The following RIN2 variants were observed in gnomAD, a reference collection of about 807,000 sequenced individuals.
RIN2 encodes the protein Ras and Rab interactor 2, also known as RAB5 interacting protein 2.
In RIN2, 36 loss-of-function variants were observed where a neutral mutation model predicts 78.0. That is an observed-to-expected ratio of 0.46 (90% confidence interval 0.35 to 0.61). RIN2 has a LOEUF of 0.61. Among genes scored for constraint, RIN2 ranks in the 20% least tolerant of loss-of-function variants. The pLI, the probability that RIN2 is intolerant of heterozygous loss-of-function variation, is 0.00. For missense variants in RIN2, 1,087 were observed against 1,159.7 expected, an observed-to-expected ratio of 0.94 and a Z score of 0.91; for synonymous variants, 466 against 466.8, an observed-to-expected ratio of 1.00 and a Z score of 0.02.
intron 2 of RIN2, among the ~76,000 whole-genome samples, chr20:19,860,551 G>A (rs573652852): frequency 6.6e-6 from 1 of 152,178 alleles, no homozygotes; most frequent in African/African-American, 2.4e-5. Context: ...TCGAACTCCT[G>A]ACCTCAGGCA....
intron 1 of RIN2, among the ~76,000 whole-genome samples, chr20:19,797,380 G>T (rs2035090611): frequency 6.6e-6 from 1 of 152,112 alleles, no homozygotes; most frequent in Non-Finnish European, 1.5e-5. Flanking sequence ...TTACATTCTT[G>T]TTCTTATATA....
At position 19,872,579 on chromosome 20, in the gene RIN2, C is replaced by G. The variant is rs188723467; in HGVS notation, c.-36-16987C>G. On this transcript the variant is annotated intron_variant, in intron 2 of 12. Transcript: ENST00000255006. The stretch of plus-strand genomic sequence containing the variant: ...CCCAGGAGCAATTCTCCAACAGTGA[C>G]CTACACAACCCAGCTTCCTTGACCT... 5.7e-4 allele frequency among the ~76,000 whole-genome samples: 86 copies of G among 152,170 alleles called. 1 individual carries two copies. The East Asian group carries it at 0.016, about 29-fold the overall frequency.
At chr20:19,895,318 T>C (rs1410306203) in intron 3 of RIN2, among the ~76,000 whole-genome samples, 1 of 152,194 alleles carries the variant, frequency 6.6e-6, no homozygotes, top group Non-Finnish European at 1.5e-5. Flanking sequence ...GGGATCCTCT[T>C]ATAGCAAAGA....
chr20:19,998,102 C>T (rs1031943682), intron 12 of RIN2, among the ~76,000 whole-genome samples: 11 of 151,994 alleles, frequency 7.2e-5, no homozygotes, highest in African/African-American at 1.9e-4. Context: ...CCTCAGCCTC[C>T]GGAGTAGCTG....
At chr20:19,924,203 CCCCCAACTT>C (rs2040069587) in intron 3 of RIN2, among the ~76,000 whole-genome samples, 1 of 41,554 alleles carries the variant, frequency 2.4e-5, no homozygotes, top group African/African-American at 1.6e-4. Context: ...CACCTTCATA[CCCCCAACTT>C]TCATACCCCC....
chr20:19,999,838 T>C (rs1180219171), intron 12 of RIN2, among the ~76,000 whole-genome samples: 1 of 152,216 alleles, frequency 6.6e-6, no homozygotes, highest in African/African-American at 2.4e-5. Context: ...TGCAAAGTAT[T>C]TGGCAAAATC....
intron 2 of RIN2, among the ~76,000 whole-genome samples, chr20:19,816,235 T>A (rs185403981): frequency 6.6e-6 from 1 of 152,352 alleles, no homozygotes; most frequent in East Asian, 1.9e-4. Flanking sequence ...CCTAAAGTCA[T>A]GCCTTAACAG....
intron 2 of RIN2, among the ~76,000 whole-genome samples, chr20:19,848,867 T>C (rs145296478): frequency 6.6e-6 from 1 of 152,342 alleles, no homozygotes; most frequent in East Asian, 1.9e-4. Flanking sequence ...ACAGCCATTA[T>C]AGAATGATTT....
At chr20:19,867,619 G>A (rs2037549607) in intron 2 of RIN2, among the ~76,000 whole-genome samples, 1 of 152,196 alleles carries the variant, frequency 6.6e-6, no homozygotes, top group South Asian at 2.1e-4. Context: ...GCTCCTCACA[G>A]TAGATTCATG....
At position 20,000,851 on chromosome 20, in the gene RIN2, T is replaced by C. The variant is rs2043122649; in HGVS notation, c.2603T>C (p.Ile868Thr). ...AELHSRPQPH[I>T]FHFVYKRIKN... ...CTGCACAGCCGACCACAGCCCCACA[T>C]CTTCCACTTTGTCTACAAACGCATC... The change falls in exon 13 of 13, where the codon ATC becomes ACC. Residue 868 changes from isoleucine (I) to threonine (T), a missense_variant. Around this residue, in one of 8 missense-constraint regions of RIN2, gnomAD observed 160 missense variants for 179.4 expected, o/e 0.89. Transcript: ENST00000255006. 6.2e-7 allele frequency: 1 copy of C among 1,613,986 alleles called. No homozygotes were observed. Among genetic ancestry groups the C allele is most frequent in the Non-Finnish European group, 8.5e-7 (1 of 1,179,888 alleles).
intron 2 of RIN2, among the ~76,000 whole-genome samples, chr20:19,813,559 A>C (rs2035669855): frequency 7.9e-5 from 12 of 152,198 alleles, no homozygotes; most frequent in Admixed American, 7.9e-4. Flanking sequence ...TACGTAATAC[A>C]TGTCAGGTTA....
chr20:19,955,736 A>G (rs2041505257), intron 4 of RIN2, among the ~76,000 whole-genome samples: 2 of 152,244 alleles, frequency 1.3e-5, no homozygotes, highest in African/African-American at 2.4e-5. Context: ...ATAGCACAGC[A>G]TCACTCCTCT....
At chr20:19,810,953 C>T (rs1266140828) in intron 2 of RIN2, among the ~76,000 whole-genome samples, 5 of 151,028 alleles carry the variant, frequency 3.3e-5, no homozygotes, top group Admixed American at 1.3e-4. Flanking sequence ...CCTCGTGATC[C>T]GCCCGCCTCG....
intron 2 of RIN2, among the ~76,000 whole-genome samples, chr20:19,888,550 A>G (rs1392090776): frequency 6.6e-6 from 1 of 152,206 alleles, no homozygotes; most frequent in African/African-American, 2.4e-5. Context: ...CACTTTGAAT[A>G]TTCCTTGATG....
intron 3 of RIN2, among the ~76,000 whole-genome samples, chr20:19,897,742 G>C (rs6515048): frequency 0.5 from 74,584 of 150,352 alleles, 18,805 homozygotes; most frequent in African/African-American, 0.61. Context: ...GTTGGAATCT[G>C]ACTCTGTTGC....
chr20:19,959,799 A>T (rs930692128), intron 5 of RIN2, among the ~76,000 whole-genome samples: 1 of 152,170 alleles, frequency 6.6e-6, no homozygotes, highest in African/African-American at 2.4e-5. Flanking sequence ...GGGCTGCCAC[A>T]CGCCATACTC....
intron 3 of RIN2, among the ~76,000 whole-genome samples, chr20:19,914,146 T>C (rs549084672): frequency 6.6e-6 from 1 of 152,280 alleles, no homozygotes; most frequent in Admixed American, 6.5e-5. Context: ...TCAAGTGAGT[T>C]AGATCAAGCA....
chr20:19,795,895 G>C (rs1441014124), intron 1 of RIN2, among the ~76,000 whole-genome samples: 1 of 152,066 alleles, frequency 6.6e-6, no homozygotes, highest in East Asian at 1.9e-4. Context: ...ATCATTTAAG[G>C]ATTTTTCAAA....
intron 3 of RIN2, among the ~76,000 whole-genome samples, chr20:19,905,134 G>A (rs1246872803): frequency 6.6e-6 from 1 of 152,096 alleles, no homozygotes; most frequent in African/African-American, 2.4e-5. Context: ...GACCTGGCTG[G>A]GGTCTTTAGT....
Sources: allele counts gnomAD v4.1 joint callset (sites outside exome capture counted in the v4.1 genomes callset), GRCh38; gene constraint gnomAD v4.1.1; regional missense constraint gnomAD v4.1.1; transcripts MANE v1.5; gene names NCBI Gene and HGNC (gene_info 2026-07-23, HGNC 2026-07-21).